SLC35F4: variants seen among roughly 807,000 people sequenced by gnomAD.
SLC35F4 encodes solute carrier family 35 member F4.
Under a neutral mutation model 44.2 loss-of-function variants are expected in SLC35F4, and 24 were observed. The ratio of observed to expected loss-of-function variants is 0.54; its 90% CI spans 0.39 to 0.76. The LOEUF (loss-of-function observed/expected upper bound fraction) is 0.76, where lower values mean the gene tolerates loss of function less well. Ranked by LOEUF, SLC35F4 falls within the 30% of genes least tolerant of loss-of-function variation. The probability of loss-of-function intolerance (pLI) is 0.00; values close to 1 mark genes in which losing one functional copy is unlikely to be tolerated. For synonymous variants in SLC35F4, 238 were observed against 223.6 expected (o/e 1.06, Z -0.57); for missense variants, 562 against 586.1 (o/e 0.96, Z 0.42).
chr14:57,866,030 G>T lies in SLC35F4; in HGVS notation c.-205C>A. The stretch of plus-strand genomic sequence containing the variant: ...GCGGCGGCGGAGCGGCCCCCACTCG[G>T]GCCGGCCTCTCCGTCAGCCTGGCAG... On this transcript the variant is annotated 5_prime_UTR_variant, in exon 1 of 8. Transcript: ENST00000556826. The T allele has an allele frequency of 3.1e-6, 1 of 322,568 alleles. No homozygotes were observed. Among genetic ancestry groups the T allele is most frequent in the Non-Finnish European group, 5.5e-6 (1 of 182,716 alleles). The allele number at this position is 322,568 out of a possible 1,614,324, so 20.0% of individuals were successfully genotyped here. A position where few individuals can be genotyped will look rare whatever the true frequency, so the allele number is the denominator to read the frequency against.
intron 1 of SLC35F4, among the ~76,000 whole-genome samples, chr14:57,739,211 A>G (rs1052961236): frequency 3.3e-5 from 5 of 152,090 alleles, no homozygotes; most frequent in East Asian, 3.9e-4. Context: ...AATCATTTCA[A>G]CTTCTCTTGG....
At chr14:57,759,980 C>T (rs905635753) in intron 1 of SLC35F4, among the ~76,000 whole-genome samples, 1 of 146,414 alleles carries the variant, frequency 6.8e-6, no homozygotes, top group Non-Finnish European at 1.5e-5. Flanking sequence ...CAGTTCTTTT[C>T]ATTTCTTTTT....
At chr14:57,863,791 C>T (rs953251624) in intron 1 of SLC35F4, among the ~76,000 whole-genome samples, 45 of 152,202 alleles carry the variant, frequency 3.0e-4, no homozygotes, top group African/African-American at 1.1e-3. Flanking sequence ...CTGACTATCA[C>T]TTAATTCTCT....
chr14:57,739,787 T>C (rs917592991), intron 1 of SLC35F4, among the ~76,000 whole-genome samples: 1 of 152,182 alleles, frequency 6.6e-6, no homozygotes. Flanking sequence ...ACCTGACAAG[T>C]TCAGTGTGAG....
chr14:57,636,074 G>A (rs1251724930), intron 1 of SLC35F4, among the ~76,000 whole-genome samples: 3 of 152,104 alleles, frequency 2.0e-5, no homozygotes, highest in African/African-American at 4.8e-5. Context: ...ATTATCCAGA[G>A]CTGCCACAGC....
intron 1 of SLC35F4, among the ~76,000 whole-genome samples, chr14:57,656,432 G>A (rs1401978049): frequency 2.0e-5 from 3 of 148,978 alleles, no homozygotes; most frequent in Non-Finnish European, 3.0e-5. Context: ...ATATACACAC[G>A]TATATGTGCT....
At chr14:57,607,025 A>G (rs535768342) in intron 1 of SLC35F4, among the ~76,000 whole-genome samples, 1 of 152,282 alleles carries the variant, frequency 6.6e-6, no homozygotes, top group Admixed American at 6.5e-5. Context: ...ATGGTCCAGC[A>G]GGGGAAAAGC....
At position 57,738,748 on chromosome 14, in the gene SLC35F4, C is replaced by CATAT. The variant is rs36212594; in HGVS notation, c.103+126971_103+126974dup. Among the ~76,000 whole-genome samples the CATAT allele has an allele frequency of 9.2e-3, 1,013 of 110,044 alleles. 7 individuals carry two copies. The highest frequency in any genetic ancestry group is 0.012 in the Non-Finnish European group (629 of 53,986). The allele number at this position is 110,044 out of a possible 152,430, so 72.2% of individuals were successfully genotyped here. On this transcript the variant is annotated intron_variant, in intron 1 of 7. Transcript: ENST00000556826. ...CTTTATTTCATAATATTTGAATTTTCATATATATATATATATATATATATA... is the reference window on the plus strand; with the variant it reads ...CTTTATTTCATAATATTTGAATTTTCATATATATATATATATATATATATATATA...
At chr14:57,600,690 T>C (rs1247365665) in intron 1 of SLC35F4, among the ~76,000 whole-genome samples, 2 of 7,558 alleles carry the variant, frequency 2.6e-4, no homozygotes, top group African/African-American at 5.1e-4. Flanking sequence ...AGACTCCATC[T>C]CAAAAAAAAA....
At chr14:57,836,339 C>G (rs1052072324) in intron 1 of SLC35F4, among the ~76,000 whole-genome samples, 1 of 152,210 alleles carries the variant, frequency 6.6e-6, no homozygotes, top group Admixed American at 6.5e-5. Context: ...TGTCACCAGG[C>G]TGGAGTGCAG....
chr14:57,858,864 T>G (rs1199858830), intron 1 of SLC35F4, among the ~76,000 whole-genome samples: 2 of 146,284 alleles, frequency 1.4e-5, no homozygotes, highest in East Asian at 4.0e-4. Flanking sequence ...GAGGCTGAGG[T>G]GGGAGGTGTG....
At chr14:57,644,458 T>TG (rs1379430470) in intron 1 of SLC35F4, among the ~76,000 whole-genome samples, 7 of 98,222 alleles carry the variant, frequency 7.1e-5, no homozygotes, top group Admixed American at 2.1e-4. Context: ...CACTTTTTGA[T>TG]GGGTTTTTTT....
chr14:57,894,897 A>T (rs17093856), intron 1 of SLC35F4, among the ~76,000 whole-genome samples: 5,583 of 152,232 alleles, frequency 0.037, 356 homozygotes, highest in African/African-American at 0.13. Flanking sequence ...AGCTAAAGAA[A>T]AGTGTCTTAT....
At chr14:57,895,904 A>T (rs1363591606) in intron 1 of SLC35F4, among the ~76,000 whole-genome samples, 1 of 152,110 alleles carries the variant, frequency 6.6e-6, no homozygotes, top group East Asian at 1.9e-4. Flanking sequence ...CTACTAATAT[A>T]CAACCAATCA....
intron 1 of SLC35F4, among the ~76,000 whole-genome samples, chr14:57,893,055 G>A (rs573400407): frequency 1.3e-5 from 2 of 152,244 alleles, no homozygotes; most frequent in African/African-American, 2.4e-5. Flanking sequence ...AAATAGTTAT[G>A]GCTCTAAATT....
intron 1 of SLC35F4, among the ~76,000 whole-genome samples, chr14:57,626,373 CA>C (rs34559840): frequency 0.023 from 3,227 of 142,750 alleles, 34 homozygotes; most frequent in African/African-American, 0.029. Flanking sequence ...TGTAAAATGG[CA>C]AAAAAAAAAA....
At chr14:57,808,800 C>T (rs777757787) in intron 1 of SLC35F4, among the ~76,000 whole-genome samples, 23 of 152,074 alleles carry the variant, frequency 1.5e-4, no homozygotes, top group Admixed American at 2.0e-4. Context: ...AGCGAGACTC[C>T]GTCTCAAAAA....
chr14:57,588,336 C>T (rs2069924593), intron 3 of SLC35F4, among the ~76,000 whole-genome samples: 1 of 150,770 alleles, frequency 6.6e-6, no homozygotes, highest in African/African-American at 2.4e-5. Context: ...CTTCTTCCAT[C>T]TGCCATCCAC....
Position 57,843,619 on chromosome 14 carries a change from A to T in SLC35F4, c.103+22104T>A, listed in dbSNP as rs1407867019. Among the ~76,000 whole-genome samples, 3 of 152,158 alleles carry T rather than the reference A, an allele frequency of 2.0e-5. No individual in the cohort carries two copies. In the East Asian group the frequency reaches 5.8e-4, roughly 29 times the overall value. On this transcript the variant is annotated intron_variant, in intron 1 of 7. Transcript: ENST00000556826. ...CAACTTTCTCTTGGTTTCCAGGGCA[A>T]CTAAGAGAAAGTTCTAAAAGACTGG...
Sources: allele counts gnomAD v4.1 joint callset (sites outside exome capture counted in the v4.1 genomes callset), GRCh38; gene constraint gnomAD v4.1.1; transcripts MANE v1.5; gene names NCBI Gene and HGNC (gene_info 2026-07-23, HGNC 2026-07-21).